Variants in MTG2 observed in about 807,000 individuals in gnomAD.
MTG2 encodes mitochondrial ribosome-associated GTPase 2.
In MTG2, 23 loss-of-function variants were observed where a neutral mutation model predicts 28.6. The observed-to-expected ratio is 0.80, with a 90% confidence interval of 0.58 to 1.14. MTG2 has a LOEUF of 1.14. MTG2 is among the 50% of genes most tolerant of loss of function. MTG2 has a pLI of 0.00. For missense variants in MTG2, 539 were observed against 552.0 expected (o/e 0.98, Z 0.24); for synonymous variants, 260 against 251.8 (o/e 1.03, Z -0.31).
At position 62,203,029 on chromosome 20, in the gene MTG2, C is replaced by G. The variant is rs1339561588; in HGVS notation, c.*1952C>G. 6.6e-6 allele frequency: 1 copy of G among 152,242 alleles called. No individual in the cohort carries two copies. Among genetic ancestry groups the G allele is most frequent in the Admixed American group, 6.5e-5 (1 of 15,280 alleles). The allele number at this position is 152,242 out of a possible 1,614,324, so 9.4% of individuals were successfully genotyped here. On this transcript the variant is annotated 3_prime_UTR_variant, in exon 7 of 7. Coordinates refer to ENST00000370823, the MANE Select transcript of MTG2 (RefSeq NM_015666.4). ...TTTAATGTCTTATAATTTCAAAGGT[C>G]CTTCTATCCTAGAAACCAGAGATGG...
At chr20:62,195,631 G>T (rs1272669929) in intron 2 of MTG2, among the ~76,000 whole-genome samples, 171 bp from the exon 3 acceptor site, 2 of 152,170 alleles carry the variant, frequency 1.3e-5, no homozygotes, top group Non-Finnish European at 2.9e-5. Context: ...CTGACTTGTG[G>T]AGACTGTTTT....
Position 62,189,552 on chromosome 20 carries a change from G to A in MTG2, c.-5-3864G>A, listed in dbSNP as rs145664544. 4.2e-3 allele frequency among the ~76,000 whole-genome samples: 640 copies of A among 151,856 alleles called. 4 individuals carry two copies. Among genetic ancestry groups the A allele is most frequent in the African/African-American group, 0.014 (599 of 41,414 alleles). On this transcript the variant is annotated intron_variant, in intron 1 of 6. Transcript: ENST00000370823. Reference sequence around the variant, plus strand: ...ACTCATGGCTTCAAGAGATCTTCCCGCCTTGGCCTCCTACAGTGCTGGGAT... The same window carrying A: ...ACTCATGGCTTCAAGAGATCTTCCCACCTTGGCCTCCTACAGTGCTGGGAT...
rs544304632 is a variant in MTG2, at chr20:62,183,617, G to A, written c.-6+560G>A. ...TCTGCCCAGTGAGAGCGGGTTACCC[G>A]TTCTATTCCCATTTACGTTCTCGTA... is the stretch of plus-strand genomic sequence containing the variant. On this transcript the variant is annotated intron_variant, in intron 1 of 6. Coordinates refer to ENST00000370823, the MANE Select transcript of MTG2 (RefSeq NM_015666.4). 2.6e-5 allele frequency among the ~76,000 whole-genome samples: 4 copies of A among 152,298 alleles called. No homozygotes were observed. In the South Asian group the frequency reaches 8.3e-4, roughly 32 times the overall value.
intron 4 of MTG2, chr20:62,198,363 G>A (rs2058098031): frequency 3.6e-6 from 2 of 560,132 alleles, no homozygotes; most frequent in Non-Finnish European, 6.4e-6. Flanking sequence ...TTTTTCTGGT[G>A]CTTCAGTTCA....
intron 1 of MTG2, among the ~76,000 whole-genome samples, chr20:62,190,834 C>G (rs2057944803): frequency 6.6e-6 from 1 of 152,222 alleles, no homozygotes; most frequent in East Asian, 1.9e-4. Flanking sequence ...AAATCTAAAA[C>G]CATCTCAAAA....
intron 6 of MTG2, chr20:62,200,290 C>G (rs147692563): frequency 3.6e-4 from 61 of 167,192 alleles, no homozygotes; most frequent in Middle Eastern, 2.8e-3. Context: ...TTGGATGGCA[C>G]TTTATATCTG....
intron 6 of MTG2, 39 bp from the exon 7 acceptor site, chr20:62,200,630 TGGGTGCTGGGTGTG>T (rs2145869459): frequency 6.6e-7 from 1 of 1,522,454 alleles, no homozygotes; most frequent in African/African-American, 1.4e-5. Context: ...AAGGCGCTCT[TGGGTGCTGGGTGTG>T]CCAAGTGGTC....
chr20:62,198,949 C>A, intron 5 of MTG2, 97 bp downstream of exon 5: 1 of 1,555,092 alleles, frequency 6.4e-7, no homozygotes, highest in Non-Finnish European at 8.8e-7. Context: ...AAGAGAACAG[C>A]TTTGCGACTC....
Position 62,199,196 on chromosome 20 carries a change from G to A in MTG2, c.765G>A (p.Pro255=), listed in dbSNP as rs757669097. The change falls in exon 6 of 7, where the codon CCG becomes CCA. Residue 255 remains proline, a synonymous_variant. Transcript: ENST00000370823. ...CCAGACCCGCCGTGGCTTCCTACCCGTTCACCACCCTGAAGCCCCACGTCG... is the reference window on the plus strand; with the variant it reads ...CCAGACCCGCCGTGGCTTCCTACCCATTCACCACCCTGAAGCCCCACGTCG... The part of the protein sequence containing the change: ...SNARPAVASY[P]FTTLKPHVGI... The A allele has an allele frequency of 7.3e-5, 118 of 1,614,010 alleles. 1 individual carries two copies. Among genetic ancestry groups the A allele is most frequent in the African/African-American group, 1.6e-4 (12 of 74,920 alleles).
intron 6 of MTG2, among the ~76,000 whole-genome samples, 171 bp from the exon 7 acceptor site, chr20:62,200,512 T>G (rs747698853): frequency 3.2e-4 from 48 of 151,602 alleles, no homozygotes; most frequent in Non-Finnish European, 6.0e-4. Flanking sequence ...ACCCAGGTGC[T>G]AAATCAAATG....
rs1009159447 is a variant in MTG2 at position 62,193,466 on chromosome 20, C to T, written c.46C>T (p.Gln16Ter). 1 of 1,614,222 alleles carries T rather than the reference C, an allele frequency of 6.2e-7. No individual in the cohort carries two copies. The highest frequency in any genetic ancestry group is 8.5e-7 in the Non-Finnish European group (1 of 1,180,042). ...CTCAGCAAGATTGAGGACCGTGTTT[C>T]AGGGCGTGGGGCATTGGGCTTTGTC... Reference protein sequence around the residue: ...CFSARLRTVFQGVGHWALSTW... With the variant: ...CFSARLRTVF The change falls in exon 2 of 7, where the codon CAG becomes TAG. Residue 16 changes from glutamine (Q) to a stop codon, truncating the protein, a stop_gained. Transcript: ENST00000370823. LOFTEE classifies it high-confidence loss of function.
Position 62,201,757 on chromosome 20 carries a change from G to A in MTG2, c.*680G>A, listed in dbSNP as rs2058175301. On this transcript the variant is annotated 3_prime_UTR_variant, in exon 7 of 7. Transcript: ENST00000370823. The stretch of plus-strand genomic sequence containing the variant: ...CAGAACACTTCTCTGTGCTCAGTGG[G>A]AGCCAGGAAGCCTCAGGCTTCACGA... 6.6e-6 allele frequency: 1 copy of A among 152,252 alleles called. No individual in the cohort carries two copies. Among genetic ancestry groups the A allele is most frequent in the South Asian group, 2.1e-4 (1 of 4,834 alleles). 9.4% of individuals were successfully genotyped at this position (152,252 alleles called of 1,614,324 possible).
intron 4 of MTG2, chr20:62,198,253 G>A (rs771371308): frequency 4.4e-5 from 23 of 519,996 alleles, no homozygotes; most frequent in African/African-American, 1.1e-4. Flanking sequence ...CGCTTCCTCC[G>A]TCTCTGACCC....
At chr20:62,193,861 A>G (rs2058008292) in intron 2 of MTG2, 1 of 531,988 alleles carries the variant, frequency 1.9e-6, no homozygotes, top group Non-Finnish European at 3.4e-6. Flanking sequence ...GCCGTGATAC[A>G]GGCTGCTCAT....
intron 2 of MTG2, among the ~76,000 whole-genome samples, chr20:62,195,561 G>A (rs919736721): frequency 6.6e-5 from 10 of 152,214 alleles, no homozygotes; most frequent in Admixed American, 6.5e-5. Flanking sequence ...TTTTTGAAGT[G>A]TAGGTCCACA....
intron 3 of MTG2, among the ~76,000 whole-genome samples, chr20:62,196,358 C>CA (rs2058058119): frequency 1.1e-5 from 1 of 91,290 alleles, no homozygotes. Flanking sequence ...TACCCTATCT[C>CA]TAAAAAAAAA....
intron 1 of MTG2, among the ~76,000 whole-genome samples, chr20:62,188,345 C>T (rs1026327780): frequency 6.6e-6 from 1 of 151,638 alleles, no homozygotes; most frequent in Non-Finnish European, 1.5e-5. Context: ...TCATATACTT[C>T]CCCCCAGCCC....
chr20:62,197,626 G>C (rs529836452), intron 3 of MTG2: 1 of 502,964 alleles, frequency 2.0e-6, no homozygotes, highest in East Asian at 3.6e-5. Flanking sequence ...TACAGCTACT[G>C]TAAAAAATAA....
At chr20:62,190,745 C>T (rs545523579) in intron 1 of MTG2, among the ~76,000 whole-genome samples, 68 of 152,330 alleles carry the variant, frequency 4.5e-4, no homozygotes, top group Middle Eastern at 3.4e-3. Context: ...AGTAGCGGTG[C>T]AGCGGCGGCG....
Sources: gnomAD v4.1 joint callset for allele counts (sites outside exome capture counted in the v4.1 genomes callset) on GRCh38, gnomAD v4.1.1 for gene constraint, MANE v1.5 for transcripts, NCBI Gene and HGNC (gene_info 2026-07-23, HGNC 2026-07-21) for gene names.